Variants in RFX2 observed in about 807,000 individuals in gnomAD.
RFX2 encodes regulatory factor X2, also known as DNA-binding protein RFX2.
A neutral mutation model predicts 87.8 loss-of-function variants in RFX2; 20 were observed. The observed-to-expected ratio is 0.23, with a 90% CI of 0.16 to 0.33. RFX2 has a LOEUF of 0.33. RFX2 is among the 10% of genes least tolerant of loss of function. The probability of loss-of-function intolerance (pLI) is 1.00; values close to 1 mark genes in which losing one functional copy is unlikely to be tolerated. For synonymous variants in RFX2, 397 were observed against 431.3 expected, an observed-to-expected ratio of 0.92 and a Z score of 0.98; for missense variants, 767 against 1,012.3, an observed-to-expected ratio of 0.76 and a Z score of 3.29.
At chr19:6,018,482 A>G (rs2086761188) in intron 6 of RFX2, among the ~76,000 whole-genome samples, 2 of 152,236 alleles carry the variant, frequency 1.3e-5, no homozygotes, top group African/African-American at 4.8e-5. Flanking sequence ...CAAACAGGTC[A>G]AAGGTTCAGG....
Position 6,022,348 on chromosome 19 carries a change from T to C in RFX2, c.597+3815A>G, listed in dbSNP as rs1343667437. Reference sequence around the variant, plus strand: ...CACCAGCTGAAGGCTAAATGACCTTTGACAATGTGTGTTTCTTGATTTCAA... The same window carrying C: ...CACCAGCTGAAGGCTAAATGACCTTCGACAATGTGTGTTTCTTGATTTCAA... On this transcript the variant is annotated intron_variant, in intron 6 of 17. Coordinates refer to ENST00000303657, the MANE Select transcript of RFX2 (RefSeq NM_000635.4). The surrounding 1 kb of genome is among the most constrained non-coding windows in gnomAD (Gnocchi z 6.2). Among the ~76,000 whole-genome samples, 1 of 152,238 alleles carries C rather than the reference T, an allele frequency of 6.6e-6. No individual in the cohort carries two copies. Among genetic ancestry groups the C allele is most frequent in the Non-Finnish European group, 1.5e-5 (1 of 68,036 alleles).
At position 6,004,230 on chromosome 19, in the gene RFX2, C is replaced by T. The variant is rs1568500424; in HGVS notation, c.1471G>A (p.Asp491Asn). The change falls in exon 13 of 18, where the codon GAC becomes AAC. Residue 491 changes from aspartate to asparagine, a missense_variant. Coordinates refer to ENST00000303657, the MANE Select transcript of RFX2 (RefSeq NM_000635.4). This position sits in a 1 kb window ranked among gnomAD's most constrained non-coding sequence, Gnocchi z 4.8. ...GTCTGGATGACCTGTTGTGGGAAGT[C>T]ACTCATGGCATTTGTCAACCAGCCT... ...LEGWLTNAMS[D>N]FPQQVIQTKV... 1 of 1,613,454 alleles carries T rather than the reference C, an allele frequency of 6.2e-7. No individual in the cohort carries two copies. Among genetic ancestry groups the T allele is most frequent in the Non-Finnish European group, 8.5e-7 (1 of 1,179,776 alleles).
At chr19:6,100,316 C>T (rs536657998) in intron 1 of RFX2, among the ~76,000 whole-genome samples, 144 of 152,108 alleles carry the variant, frequency 9.5e-4, no homozygotes, top group Non-Finnish European at 1.7e-3. Context: ...GTTTGGCTAA[C>T]AAAAGTAGTA....
chr19:6,109,888 G>A (rs113025966), intron 1 of RFX2, among the ~76,000 whole-genome samples: 1,557 of 151,792 alleles, frequency 0.01, 26 homozygotes, highest in African/African-American at 0.036. Flanking sequence ...CAGAGATCTG[G>A]GGAGTAAACG....
At chr19:6,069,961 A>C (rs2087571397) in intron 1 of RFX2, among the ~76,000 whole-genome samples, 1 of 135,054 alleles carries the variant, frequency 7.4e-6, no homozygotes, top group Non-Finnish European at 1.6e-5. Flanking sequence ...GAAAGAAGGG[A>C]GACTTGCAAG....
At chr19:6,003,840 C>G (rs2086533141) in intron 13 of RFX2, among the ~76,000 whole-genome samples, 1 of 145,796 alleles carries the variant, frequency 6.9e-6, no homozygotes, top group South Asian at 2.3e-4. Context: ...GGTAATCACT[C>G]TCTTTTCCAC....
rs2087440025 is a variant in RFX2 at position 6,061,950 on chromosome 19, T to G, written c.-8-14446A>C. On this transcript the variant is annotated intron_variant, in intron 1 of 17. Transcript: ENST00000303657. The surrounding 1 kb of genome is among the most constrained non-coding windows in gnomAD (Gnocchi z 5.2). ...TGAACCCAGGAGTTCGAGACCAGCC[T>G]GGGCAACATAGCGAGGCCCCATCTC... 6.6e-6 allele frequency among the ~76,000 whole-genome samples: 1 copy of G among 152,128 alleles called. No individual in the cohort carries two copies. The highest frequency in any genetic ancestry group is 2.4e-5 in the African/African-American group (1 of 41,404).
intron 1 of RFX2, among the ~76,000 whole-genome samples, chr19:6,077,840 C>T (rs369967569): frequency 6.6e-6 from 1 of 151,936 alleles, no homozygotes; most frequent in Non-Finnish European, 1.5e-5. Flanking sequence ...ATTAGCCGGG[C>T]GTGGTGGCAC....
In RFX2 at chr19:6,040,061, G is replaced by T. The variant is rs750467379; in HGVS notation, c.441C>A (p.Ser147Arg). The change falls in exon 5 of 18, where the codon AGC becomes AGA. Residue 147 changes from serine (S) to arginine (R), a missense_variant. Around this residue, in one of 2 missense-constraint regions of RFX2, gnomAD observed 621 missense variants for 873.0 expected, o/e 0.71. Transcript: ENST00000303657. This position sits in a 1 kb window ranked among gnomAD's most constrained non-coding sequence, Gnocchi z 6.1. ...MDVGGSPIVS[S>R]AGAYLIHGGM... ...CCCCGTGGATGAGATAGGCTCCCGC[G>T]CTGGAGACGATGGGGCTCCCCCCGA... 1.2e-6 allele frequency: 2 copies of T among 1,611,850 alleles called. No homozygotes were observed. The highest frequency in any genetic ancestry group is 2.7e-5 in the African/African-American group (2 of 74,892).
chr19:6,041,948 G>C, intron 4 of RFX2, 96 bp downstream of exon 4: 1 of 919,242 alleles, frequency 1.1e-6, no homozygotes, highest in Non-Finnish European at 1.8e-6. Context: ...ATCGCCAAAA[G>C]CATAAGGGAG....
Position 6,063,903 on chromosome 19 carries a change from A to C in RFX2, c.-8-16399T>G, listed in dbSNP as rs1291825308. Among the ~76,000 whole-genome samples, 1 of 152,122 alleles carries C rather than the reference A, an allele frequency of 6.6e-6. No homozygotes were observed. The highest frequency in any genetic ancestry group is 2.4e-5 in the African/African-American group (1 of 41,416). ...GGGGGCAGGACCACCCCCATGGAGA[A>C]CCACACGTCTAAGGCCACACCTTTA... On this transcript the variant is annotated intron_variant, in intron 1 of 17. Transcript: ENST00000303657. This position sits in a 1 kb window ranked among gnomAD's most constrained non-coding sequence, Gnocchi z 4.0.
Position 6,013,741 on chromosome 19 carries a change from G to A in RFX2, c.780-636C>T, listed in dbSNP as rs140835302. Among the ~76,000 whole-genome samples the A allele has an allele frequency of 8.5e-5, 13 of 152,262 alleles. No homozygotes were observed. The highest frequency in any genetic ancestry group is 3.1e-4 in the African/African-American group (13 of 41,552). On this transcript the variant is annotated intron_variant, in intron 7 of 17. Transcript: ENST00000303657. The surrounding 1 kb of genome is among the most constrained non-coding windows in gnomAD (Gnocchi z 4.1). The stretch of plus-strand genomic sequence containing the variant: ...GTAGCTGACGTGTGCCACCACACTC[G>A]GATCTTGACCTTTCACTTTGGCCTC...
chr19:6,104,844 A>G (rs1252894200), intron 1 of RFX2, among the ~76,000 whole-genome samples: 1 of 151,884 alleles, frequency 6.6e-6, no homozygotes, highest in Non-Finnish European at 1.5e-5. Context: ...ATAGAAGTTA[A>G]TAAAACAGCT....
intron 1 of RFX2, among the ~76,000 whole-genome samples, chr19:6,100,971 T>A (rs1332938558): frequency 1.3e-5 from 2 of 151,876 alleles, no homozygotes; most frequent in African/African-American, 2.4e-5. Context: ...ATACCAGGAT[T>A]TACACAAAAG....
intron 1 of RFX2, among the ~76,000 whole-genome samples, chr19:6,086,641 G>C (rs2087859735): frequency 1.3e-5 from 2 of 152,238 alleles, no homozygotes; most frequent in Admixed American, 1.3e-4. Context: ...TTGCCGGAAA[G>C]GGCACTGTAA....
At chr19:6,009,197 A>C (rs2086628384) in intron 9 of RFX2, among the ~76,000 whole-genome samples, 1 of 152,142 alleles carries the variant, frequency 6.6e-6, no homozygotes, top group Non-Finnish European at 1.5e-5. Context: ...GCCTGACCCC[A>C]CCTCAATCTC....
intron 1 of RFX2, among the ~76,000 whole-genome samples, chr19:6,081,152 A>G (rs112850861): frequency 6.0e-4 from 92 of 152,332 alleles, no homozygotes; most frequent in African/African-American, 2.1e-3. Context: ...GATTATAGAC[A>G]GAAAGAGTGA....
Position 6,016,196 on chromosome 19 carries a change from G to A in RFX2, c.673C>T (p.Leu225Phe). Residue 225 changes from leucine (L) to phenylalanine (F), a missense_variant, in exon 7 of 18, where the codon CTT becomes TTT. This residue lies in a region of RFX2 where 621 missense variants were observed against 873.0 expected (regional missense o/e 0.71). Transcript: ENST00000303657. The surrounding 1 kb of genome is among the most constrained non-coding windows in gnomAD (Gnocchi z 5.4). Reference sequence around the variant, plus strand: ...AGCTTGTGCTCCTGGCAGTGCCGAAGGTAGTGGTTGTAAAGAGAACTTCTG... The same window carrying A: ...AGCTTGTGCTCCTGGCAGTGCCGAAAGTAGTGGTTGTAAAGAGAACTTCTG... The part of the protein sequence containing the change: ...LPRSSLYNHY[L>F]RHCQEHKLDP... 3.1e-6 allele frequency: 5 copies of A among 1,614,062 alleles called. No homozygotes were observed. Among genetic ancestry groups the A allele is most frequent in the Non-Finnish European group, 4.2e-6 (5 of 1,179,908 alleles).
At chr19:5,995,299 C>T (rs947071285) in intron 17 of RFX2, among the ~76,000 whole-genome samples, 1 of 152,162 alleles carries the variant, frequency 6.6e-6, no homozygotes, top group Non-Finnish European at 1.5e-5. Context: ...CTGCCTGTCC[C>T]ACTCTCCTGC....
Sources: gnomAD v4.1 joint callset for allele counts (sites outside exome capture counted in the v4.1 genomes callset) on GRCh38, gnomAD v4.1.1 for gene constraint, gnomAD v4.1.1 regional missense constraint, Gnocchi (gnomAD v3.1) non-coding constraint, MANE v1.5 for transcripts, NCBI Gene and HGNC (gene_info 2026-07-23, HGNC 2026-07-21) for gene names.